Variants in KRT33B observed in about 807,000 individuals in gnomAD.
The protein encoded by KRT33B is keratin, type I cuticular Ha3-II.
A neutral mutation model predicts 42.7 loss-of-function variants in KRT33B; 37 were observed. That is an observed-to-expected ratio of 0.87 (90% CI 0.67 to 1.14). KRT33B has a LOEUF of 1.14. KRT33B is among the 50% of genes most tolerant of loss of function. The pLI, the probability that KRT33B is intolerant of heterozygous loss-of-function variation, is 0.00. For synonymous variants in KRT33B, 237 were observed against 221.2 expected, an observed-to-expected ratio of 1.07 and a Z score of -0.63; for missense variants, 523 against 515.1, an observed-to-expected ratio of 1.02 and a Z score of -0.15.
chr17:41,369,771 C>T lies in KRT33B; in HGVS notation c.-21G>A, dbSNP rs758020275. The T allele has an allele frequency of 4.4e-6, 7 of 1,603,672 alleles. No individual in the cohort carries two copies. The African/African-American group carries it at 8.0e-5, about 18-fold the overall frequency. On this transcript the variant is annotated 5_prime_UTR_variant, in exon 1 of 7. Coordinates refer to ENST00000251646, the MANE Select transcript of KRT33B (RefSeq NM_002279.5). ...GGCATGGTGCAGGGAGGCAGTGGAG[C>T]TCTGGAAGTCAGTTTCAAAACCTGA...
chr17:41,369,481 C>T lies in KRT33B; in HGVS notation c.270G>A (p.Glu90=). Reference sequence around the variant, plus strand: ...GCAAGGGCTCCTGCTGCTGAGACCGCTCCCGGATGAGGTTCTCCAGCTCCG... The same window carrying T: ...GCAAGGGCTCCTGCTGCTGAGACCGTTCCCGGATGAGGTTCTCCAGCTCCG... ...DNAELENLIR[E]RSQQQEPLLC... The change falls in exon 1 of 7, where the codon GAG becomes GAA. Residue 90 remains glutamate, a synonymous_variant. Coordinates refer to ENST00000251646, the MANE Select transcript of KRT33B (RefSeq NM_002279.5). The T allele has an allele frequency of 3.7e-6, 6 of 1,613,884 alleles. No homozygotes were observed. The African/African-American group carries it at 4.0e-5, about 11-fold the overall frequency.
rs758048385 is a variant in KRT33B, at chr17:41,364,838, C to T, written c.1038G>A (p.Arg346=). 3.7e-6 allele frequency: 6 copies of T among 1,612,556 alleles called. 1 individual carries two copies. In the African/African-American group the frequency reaches 4.1e-5, roughly 11 times the overall value. ...TGTTGATCTCACACTCCAGCCGCGC[C>T]CGCACGTCCAGCAGCACCTGATACT... The part of the protein sequence containing the change: ...NQEYQVLLDV[R]ARLECEINTY... Residue 346 remains arginine (R), a synonymous_variant, in exon 6 of 7, where the codon CGG becomes CGA. Transcript: ENST00000251646.
chr17:41,363,849 G>T lies in KRT33B; in HGVS notation c.1202C>A (p.Thr401Asn), dbSNP rs777871331. 6.2e-7 allele frequency: 1 copy of T among 1,606,196 alleles called. No homozygotes were observed. Among genetic ancestry groups the T allele is most frequent in the Non-Finnish European group, 8.5e-7 (1 of 1,175,690 alleles). Residue 401 changes from threonine to asparagine, a missense_variant, in exon 7 of 7, where the codon ACC becomes AAC. Physicochemically the swap from Thr to Asn is moderately conservative, Grantham distance 65. Transcript: ENST00000251646. The part of the protein sequence containing the change: ...GPRSRCGPCN[T>N]FGY The stretch of plus-strand genomic sequence containing the variant: ...GCCCCAGGGTATCTAGTACCCAAAG[G>T]TGTTGCAAGGCCCACAGCGGGAACG...
rs141441300 is a variant in KRT33B, at chr17:41,365,424, G to C, written c.718C>G (p.Arg240Gly). Residue 240 changes from arginine (R) to glycine (G), a missense_variant, in exon 4 of 7, where the codon CGC becomes GGC. By Grantham distance (125) the Arg-to-Gly change is moderately radical. Coordinates refer to ENST00000251646, the MANE Select transcript of KRT33B (RefSeq NM_002279.5). ...NQYEALVETN[R>G]REVEQWFATQ... is the part of the protein sequence containing the mutation. ...GCGAACCATTGCTCCACTTCCCTGC[G>C]GTTGGTTTCCACCAGGGCCTCATAC... The C allele has an allele frequency of 3.1e-6, 5 of 1,612,672 alleles. No individual in the cohort carries two copies. The Admixed American group carries it at 6.7e-5, about 22-fold the overall frequency.
Position 41,369,807 on chromosome 17 carries a change from C to A in KRT33B, c.-57G>T. ...AGTTTCAAAACCTGATTCCTTTTCC[C>A]TGGGATAAGCCTTGGTCCTTTCCAG... On this transcript the variant is annotated 5_prime_UTR_variant, in exon 1 of 7. It adds an upstream start codon to the 5' untranslated region. Coordinates refer to ENST00000251646, the MANE Select transcript of KRT33B (RefSeq NM_002279.5). The A allele has an allele frequency of 6.4e-7, 1 of 1,552,370 alleles. No individual in the cohort carries two copies. Among genetic ancestry groups the A allele is most frequent in the Non-Finnish European group, 8.7e-7 (1 of 1,146,518 alleles).
In KRT33B at chr17:41,364,804, T is replaced by C; in HGVS notation, c.1072A>G (p.Ser358Gly). The change falls in exon 6 of 7, where the codon AGC becomes GGC. Residue 358 changes from serine (S) to glycine (G), a missense_variant. Physicochemically the swap from Ser to Gly is moderately conservative, Grantham distance 56. Transcript: ENST00000251646. ...TTGCAGTCCTCGCTCTCCAGCAGGC[T>C]CCGGTATGTGTTGATCTCACACTCC... Reference protein sequence around the residue: ...RLECEINTYRSLLESEDCKLP... With the variant: ...RLECEINTYRGLLESEDCKLP... The C allele has an allele frequency of 1.2e-6, 2 of 1,612,826 alleles. No homozygotes were observed. The highest frequency in any genetic ancestry group is 1.7e-5 in the Admixed American group (1 of 59,990).
In KRT33B at chr17:41,366,635, A is replaced by G; in HGVS notation, c.432-9T>C. 1.3e-6 allele frequency: 2 copies of G among 1,595,062 alleles called. No individual in the cohort carries two copies. The highest frequency in any genetic ancestry group is 1.1e-5 in the South Asian group (1 of 87,850). The stretch of plus-strand genomic sequence containing the variant: ...ACTGCTCCGTCTGGTACCTGCACAC[A>G]CAGCCAGAGGTCAAAAGAGGTCCAA... On this transcript the variant is annotated splice_polypyrimidine_tract_variant and intron_variant, in intron 2 of 6. Transcript: ENST00000251646.
At chr17:41,368,926 T>C (rs2522040) in intron 1 of KRT33B, among the ~76,000 whole-genome samples, 1 of 151,404 alleles carries the variant, frequency 6.6e-6, no homozygotes, top group South Asian at 2.1e-4. Context: ...CTCTAGAGGA[T>C]GGTCCATGTG....
At position 41,363,737 on chromosome 17, in the gene KRT33B, C is replaced by G; in HGVS notation, c.*99G>C. ...CAGACCATGATTTGTGGTGATGCCT[C>G]GGGGTGGGGTCCGGTGGCTGATGGT... is the stretch of plus-strand genomic sequence containing the variant. On this transcript the variant is annotated 3_prime_UTR_variant, in exon 7 of 7. Coordinates refer to ENST00000251646, the MANE Select transcript of KRT33B (RefSeq NM_002279.5). 1.3e-6 allele frequency: 1 copy of G among 772,874 alleles called. No homozygotes were observed. The allele number at this position is 772,874 out of a possible 1,614,324, so 47.9% of individuals were successfully genotyped here.
Position 41,366,617 on chromosome 17 carries a change from C to T in KRT33B, c.441G>A (p.Thr147=), listed in dbSNP as rs149852020. Reference sequence around the variant, plus strand: ...CCACCAGCTGCCGCAGGGACTGCTCCGTCTGGTACCTGCACACACAGCCAG... The same window carrying T: ...CCACCAGCTGCCGCAGGGACTGCTCTGTCTGGTACCTGCACACACAGCCAG... ...AADDFRTKYQ[T]EQSLRQLVES... is the part of the protein sequence containing the mutation. The change falls in exon 3 of 7, where the codon ACG becomes ACA. Residue 147 remains threonine, a synonymous_variant. Transcript: ENST00000251646. The T allele has an allele frequency of 2.2e-4, 350 of 1,608,578 alleles. No homozygotes were observed. The highest frequency in any genetic ancestry group is 4.6e-4 in the South Asian group (42 of 90,382).
chr17:41,369,773 C>G lies in KRT33B; in HGVS notation c.-23G>C, dbSNP rs763755897. The G allele has an allele frequency of 6.2e-7, 1 of 1,602,258 alleles. No homozygotes were observed. Among genetic ancestry groups the G allele is most frequent in the Non-Finnish European group, 8.5e-7 (1 of 1,173,106 alleles). Reference sequence around the variant, plus strand: ...CATGGTGCAGGGAGGCAGTGGAGCTCTGGAAGTCAGTTTCAAAACCTGATT... The same window carrying G: ...CATGGTGCAGGGAGGCAGTGGAGCTGTGGAAGTCAGTTTCAAAACCTGATT... On this transcript the variant is annotated 5_prime_UTR_variant, in exon 1 of 7. Coordinates refer to ENST00000251646, the MANE Select transcript of KRT33B (RefSeq NM_002279.5).
At chr17:41,368,920 A>G (rs2017738092) in intron 1 of KRT33B, among the ~76,000 whole-genome samples, 1 of 151,394 alleles carries the variant, frequency 6.6e-6, no homozygotes, top group African/African-American at 2.5e-5. Context: ...TGGCTGCTCT[A>G]GAGGATGGTC....
At chr17:41,365,149 C>T in intron 5 of KRT33B, 26 bp downstream of exon 5, 1 of 1,610,690 alleles carries the variant, frequency 6.2e-7, no homozygotes, top group Non-Finnish European at 8.5e-7. Flanking sequence ...TCCCATCGCT[C>T]ACCAGCAGGT....
Position 41,363,646 on chromosome 17 carries a change from G to A in KRT33B, c.*190C>T, listed in dbSNP as rs767249238. The A allele has an allele frequency of 1.6e-5, 8 of 491,556 alleles. No individual in the cohort carries two copies. The highest frequency in any genetic ancestry group is 3.1e-5 in the East Asian group (1 of 32,620). 30.4% of individuals were successfully genotyped at this position (491,556 alleles called of 1,614,324 possible). ...GACTGACTACAGGAGAGGGACCTGGGGTGAGGAGGATCAAGTAGCCCTAGG... is the reference window on the plus strand; with the variant it reads ...GACTGACTACAGGAGAGGGACCTGGAGTGAGGAGGATCAAGTAGCCCTAGG... On this transcript the variant is annotated 3_prime_UTR_variant, in exon 7 of 7. Transcript: ENST00000251646.
Position 41,363,935 on chromosome 17 carries a change from G to T in KRT33B, c.1116C>A (p.Cys372Ter). Residue 372 changes from cysteine (C) to a stop codon, truncating the protein, a stop_gained, in exon 7 of 7, where the codon TGC becomes TGA. Transcript: ENST00000251646. LOFTEE classifies it high-confidence loss of function. ...GCTTTTCACATGCATTGGTGGTGGC[G>T]CAGGGGTTGGAGGGCAGCCTGGGAT... ...SEDCKLPSNP[C>*]ATTNACEKPI... The T allele has an allele frequency of 6.2e-7, 1 of 1,610,414 alleles. No individual in the cohort carries two copies. The highest frequency in any genetic ancestry group is 1.4e-5 in the African/African-American group (1 of 73,532).
chr17:41,365,454 T>C lies in KRT33B; in HGVS notation c.688A>G (p.Asn230Asp). 1.9e-6 allele frequency: 3 copies of C among 1,613,026 alleles called. No individual in the cohort carries two copies. The highest frequency in any genetic ancestry group is 2.5e-6 in the Non-Finnish European group (3 of 1,180,014). Residue 230 changes from asparagine to aspartate, a missense_variant, in exon 4 of 7, where the codon AAT (asparagine) becomes GAT (aspartate). By Grantham distance (23) the Asn-to-Asp change is conservative. Transcript: ENST00000251646. ...GTTTCCACCAGGGCCTCATACTGAT[T>C]CCTGGTCTCGTTCAGGACCTGGTTC... ...DLNQVLNETR[N>D]QYEALVETNR...
At chr17:41,365,650 G>A in intron 3 of KRT33B, 97 bp from the exon 4 acceptor site, 1 of 1,459,934 alleles carries the variant, frequency 6.8e-7, no homozygotes, top group Non-Finnish European at 9.2e-7. Flanking sequence ...TTGCATTGCA[G>A]CTTAGGAAAC....
At chr17:41,368,938 C>T (rs916721979) in intron 1 of KRT33B, among the ~76,000 whole-genome samples, 1 of 151,394 alleles carries the variant, frequency 6.6e-6, no homozygotes, top group Non-Finnish European at 1.5e-5. Flanking sequence ...GTCCATGTGT[C>T]TGTAGATATT....
chr17:41,365,041 A>G, intron 5 of KRT33B, 42 bp from the exon 6 acceptor site: 3 of 1,611,548 alleles, frequency 1.9e-6, no homozygotes, highest in Non-Finnish European at 2.5e-6. Context: ...GCTGCTCCTT[A>G]TAGGGTTCCT....
Sources: allele counts gnomAD v4.1 joint callset (sites outside exome capture counted in the v4.1 genomes callset), GRCh38; gene constraint gnomAD v4.1.1; transcripts MANE v1.5; gene names NCBI Gene and HGNC (gene_info 2026-07-23, HGNC 2026-07-21).